Variants in PRDM2 observed in about 807,000 individuals in gnomAD.
PRDM2 encodes the protein PR/SET domain 2.
A neutral mutation model predicts 130.0 loss-of-function variants in PRDM2; 30 were observed. The ratio of observed to expected loss-of-function variants is 0.23; its 90% CI spans 0.17 to 0.31. The LOEUF (loss-of-function observed/expected upper bound fraction) is 0.31, where lower values mean the gene tolerates loss of function less well. Among genes scored for constraint, PRDM2 ranks in the 10% least tolerant of loss-of-function variants. The pLI, the probability that PRDM2 is intolerant of heterozygous loss-of-function variation, is 1.00. For missense variants in PRDM2, 2,011 were observed against 2,108.4 expected (o/e 0.95, Z 0.90); for synonymous variants, 871 against 782.4 (o/e 1.11, Z -1.89).
intron 8 of PRDM2, among the ~76,000 whole-genome samples, chr1:13,808,850 G>A (rs992923175): frequency 1.3e-5 from 2 of 152,212 alleles, no homozygotes; most frequent in Non-Finnish European, 2.9e-5. Context: ...GAAACTGCCC[G>A]TGTGGGGGCC....
intron 8 of PRDM2, among the ~76,000 whole-genome samples, chr1:13,794,626 C>T (rs1002576732): frequency 9.9e-5 from 15 of 152,204 alleles, no homozygotes; most frequent in East Asian, 1.9e-4. Flanking sequence ...AGAATTGCCA[C>T]GAAGACAACT....
rs774862319 is a variant in PRDM2 at position 13,780,341 on chromosome 1, A to G, written c.2546A>G (p.Asp849Gly). ...CCAGTCCAGTGGGAATCTGTCTTAGATCTCAGTGTGCATAAAAAGCATTGT... is the reference window on the plus strand; with the variant it reads ...CCAGTCCAGTGGGAATCTGTCTTAGGTCTCAGTGTGCATAAAAAGCATTGT... ...KTPVQWESVL[D>G]LSVHKKHCSD... The change falls in exon 8 of 10, where the codon GAT (aspartate) becomes GGT (glycine). Residue 849 changes from aspartate to glycine, a missense_variant. Around this residue, in one of 5 missense-constraint regions of PRDM2, gnomAD observed 1,288 missense variants for 1,237.7 expected, o/e 1.04. Coordinates refer to ENST00000311066, the MANE Select transcript of PRDM2 (RefSeq NM_001393986.1). 1 of 1,614,212 alleles carries G rather than the reference A, an allele frequency of 6.2e-7. No homozygotes were observed. Among genetic ancestry groups the G allele is most frequent in the Admixed American group, 1.7e-5 (1 of 60,024 alleles).
intron 6 of PRDM2, among the ~76,000 whole-genome samples, chr1:13,754,170 C>G (rs939956043): frequency 6.6e-6 from 1 of 152,086 alleles, no homozygotes; most frequent in Admixed American, 6.5e-5. Context: ...CAGTTCTACT[C>G]ATGTAGAAAC....
At chr1:13,817,712 G>T (rs186480694) in intron 9 of PRDM2, among the ~76,000 whole-genome samples, 83 of 152,072 alleles carry the variant, frequency 5.5e-4, no homozygotes, top group African/African-American at 1.8e-3. Context: ...AAAAAATCCC[G>T]AGTTCAGCCG....
At chr1:13,708,091 A>C (rs1225533155) in intron 1 of PRDM2, among the ~76,000 whole-genome samples, 1 of 152,186 alleles carries the variant, frequency 6.6e-6, no homozygotes, top group Middle Eastern at 3.2e-3. Context: ...TAAAGAATAA[A>C]TAATCAGCAA....
chr1:13,726,492 C>A (rs140564591), intron 2 of PRDM2, among the ~76,000 whole-genome samples: 41 of 152,264 alleles, frequency 2.7e-4, no homozygotes, highest in African/African-American at 9.6e-4. Flanking sequence ...ATGGTGCTAG[C>A]TCTGAGCAGA....
intron 1 of PRDM2, among the ~76,000 whole-genome samples, chr1:13,715,249 T>C (rs1457884890): frequency 6.6e-6 from 1 of 152,240 alleles, no homozygotes; most frequent in Non-Finnish European, 1.5e-5. Flanking sequence ...AGAAAGCTAA[T>C]TTATTTCTTC....
At chr1:13,815,714 AG>A (rs796380560) in intron 8 of PRDM2, among the ~76,000 whole-genome samples, 50 of 152,302 alleles carry the variant, frequency 3.3e-4, no homozygotes, top group African/African-American at 1.2e-3. Context: ...ATTTTTTAAA[AG>A]CCCTTCTGAA....
chr1:13,762,821 C>T (rs1017536727), intron 6 of PRDM2, among the ~76,000 whole-genome samples: 3 of 152,154 alleles, frequency 2.0e-5, no homozygotes, highest in African/African-American at 7.2e-5. Context: ...TTTACATCCT[C>T]CCCTGCGATT....
intron 2 of PRDM2, 70 bp from the exon 3 acceptor site, chr1:13,730,930 G>GAA (rs35643856): frequency 6.6e-3 from 6,249 of 951,490 alleles, no homozygotes; most frequent in South Asian, 0.018. Context: ...TATTGAACCA[G>GAA]AAAAAAAAAA....
chr1:13,817,544 GCCAGCATCT>G (rs921662102), intron 9 of PRDM2, among the ~76,000 whole-genome samples: 2 of 151,426 alleles, frequency 1.3e-5, no homozygotes, highest in Admixed American at 1.3e-4. Context: ...TGTCCCCAAG[GCCAGCATCT>G]CAAAGTGATC....
intron 4 of PRDM2, among the ~76,000 whole-genome samples, chr1:13,739,319 A>T (rs1021071987): frequency 3.3e-5 from 5 of 152,138 alleles, no homozygotes; most frequent in Admixed American, 2.6e-4. Context: ...GAGTGCTGGG[A>T]TTACAGGCGT....
chr1:13,786,113 C>G (rs1025877274), intron 8 of PRDM2, among the ~76,000 whole-genome samples: 5 of 152,124 alleles, frequency 3.3e-5, no homozygotes, highest in African/African-American at 1.2e-4. Context: ...GCTGGGATTA[C>G]AGGTGTGAGC....
intron 6 of PRDM2, 79 bp downstream of exon 6, chr1:13,749,566 T>A (rs1354102459): frequency 8.5e-6 from 8 of 945,720 alleles, no homozygotes; most frequent in African/African-American, 5.5e-5. Flanking sequence ...TCGCTGCTGC[T>A]GGCCCGACCG....
At chr1:13,804,913 GA>G (rs1645064912) in intron 8 of PRDM2, among the ~76,000 whole-genome samples, 1 of 152,166 alleles carries the variant, frequency 6.6e-6, no homozygotes, top group Admixed American at 6.5e-5. Flanking sequence ...CTGGCTTTGG[GA>G]TATTGGAAAC....
At chr1:13,730,940 A>C in intron 2 of PRDM2, 60 bp from the exon 3 acceptor site, 1 of 1,308,774 alleles carries the variant, frequency 7.6e-7, no homozygotes, top group Non-Finnish European at 1.0e-6. Context: ...GAAAAAAAAA[A>C]AAACCCATGA....
At chr1:13,729,086 T>C (rs769670577) in intron 2 of PRDM2, among the ~76,000 whole-genome samples, 5 of 152,170 alleles carry the variant, frequency 3.3e-5, no homozygotes, top group Non-Finnish European at 5.9e-5. Flanking sequence ...GTCTCTAAGC[T>C]CTAATTCCCT....
At chr1:13,759,401 T>C (rs949748253) in intron 6 of PRDM2, among the ~76,000 whole-genome samples, 2 of 152,346 alleles carry the variant, frequency 1.3e-5, no homozygotes, top group South Asian at 2.1e-4. Flanking sequence ...CCTTTTGTTA[T>C]TCTTTTTACC....
chr1:13,702,269 T>G (rs1642093336), intron 1 of PRDM2, among the ~76,000 whole-genome samples: 1 of 152,236 alleles, frequency 6.6e-6, no homozygotes. Flanking sequence ...GGTGAGCATG[T>G]ATCCATGCCA....
Sources: allele counts gnomAD v4.1 joint callset (sites outside exome capture counted in the v4.1 genomes callset), GRCh38; gene constraint gnomAD v4.1.1; regional missense constraint gnomAD v4.1.1; transcripts MANE v1.5; gene names NCBI Gene and HGNC (gene_info 2026-07-23, HGNC 2026-07-21).